NCAM2: variants seen among roughly 807,000 people sequenced by gnomAD.
NCAM2 encodes N-CAM-2.
A neutral mutation model predicts 98.1 loss-of-function variants in NCAM2; 30 were observed. The ratio of observed to expected loss-of-function variants is 0.31; its 90% CI spans 0.23 to 0.41. The LOEUF is 0.41. NCAM2 is among the 10% of genes least tolerant of loss of function. The probability of loss-of-function intolerance (pLI) is 1.00; values close to 1 mark genes in which losing one functional copy is unlikely to be tolerated. For synonymous variants in NCAM2, 368 were observed against 342.4 expected, an observed-to-expected ratio of 1.07 and a Z score of -0.83; for missense variants, 867 against 1,005.8, an observed-to-expected ratio of 0.86 and a Z score of 1.87.
chr21:21,038,097 G>A (rs1309960914), intron 1 of NCAM2, among the ~76,000 whole-genome samples: 1 of 147,278 alleles, frequency 6.8e-6, no homozygotes, highest in East Asian at 2.0e-4. Flanking sequence ...TTTACCTTGA[G>A]TTGCTTCTGT....
chr21:21,358,685 C>A (rs232485), intron 8 of NCAM2, among the ~76,000 whole-genome samples: 1 of 151,660 alleles, frequency 6.6e-6, no homozygotes, highest in Admixed American at 6.6e-5. Context: ...ACTAGTATTA[C>A]GTGGTAGTTT....
At chr21:21,426,930 A>G (rs1277764282) in intron 11 of NCAM2, among the ~76,000 whole-genome samples, 1 of 152,200 alleles carries the variant, frequency 6.6e-6, no homozygotes, top group Non-Finnish European at 1.5e-5. Flanking sequence ...GTTAATAGAA[A>G]AATATCTAGG....
intron 1 of NCAM2, among the ~76,000 whole-genome samples, chr21:21,125,702 C>CAT (rs71322025): frequency 1.6e-3 from 154 of 97,728 alleles, no homozygotes; most frequent in African/African-American, 5.2e-3. Flanking sequence ...TAATATTTTA[C>CAT]ATATATATAT....
At chr21:21,328,856 G>A (rs988567794) in intron 6 of NCAM2, among the ~76,000 whole-genome samples, 7 of 151,908 alleles carry the variant, frequency 4.6e-5, no homozygotes, top group African/African-American at 1.7e-4. Context: ...GGCCTTCACA[G>A]TCACTCACCA....
At chr21:21,287,075 C>A (rs754983414) in intron 4 of NCAM2, among the ~76,000 whole-genome samples, 1 of 151,914 alleles carries the variant, frequency 6.6e-6, no homozygotes, top group Non-Finnish European at 1.5e-5. Flanking sequence ...GCTAAAATTT[C>A]AGAATAATAT....
chr21:21,127,718 TGCTGTGCTTG>T (rs1434863621), intron 1 of NCAM2, among the ~76,000 whole-genome samples: 1 of 152,162 alleles, frequency 6.6e-6, no homozygotes, highest in African/African-American at 2.4e-5. Context: ...ATATTTGTGT[TGCTGTGCTTG>T]GCATATTTCA....
intron 1 of NCAM2, among the ~76,000 whole-genome samples, chr21:21,127,711 T>G (rs543463861): frequency 1.5e-4 from 23 of 152,298 alleles, no homozygotes; most frequent in African/African-American, 5.3e-4. Context: ...TGATGTGATA[T>G]TTGTGTTGCT....
intron 1 of NCAM2, among the ~76,000 whole-genome samples, chr21:21,168,878 A>G (rs959847379): frequency 5.3e-5 from 8 of 152,282 alleles, no homozygotes; most frequent in African/African-American, 1.9e-4. Context: ...GACTTTATCT[A>G]TAGATTCAAC....
At chr21:21,235,630 A>T (rs1048871017) in intron 1 of NCAM2, among the ~76,000 whole-genome samples, 6 of 152,064 alleles carry the variant, frequency 3.9e-5, no homozygotes, top group Non-Finnish European at 8.8e-5. Context: ...TAAAAATTTC[A>T]ATTTGATTTA....
rs535627721 is a variant in NCAM2, at chr21:21,410,528, T to A, written c.1383+67T>A. The A allele has an allele frequency of 3.4e-6, 3 of 874,712 alleles. No homozygotes were observed. In the African/African-American group the frequency reaches 5.3e-5, roughly 15 times the overall value. 54.2% of individuals were successfully genotyped at this position (874,712 alleles called of 1,614,324 possible). ...CAACTATCTACTATTTCAGAATATA[T>A]TTAAATATCTTCATATGCATATATA... is the stretch of plus-strand genomic sequence containing the variant. On this transcript the variant is annotated intron_variant, in intron 10 of 17. Coordinates refer to ENST00000400546, the MANE Select transcript of NCAM2 (RefSeq NM_004540.5).
intron 9 of NCAM2, among the ~76,000 whole-genome samples, chr21:21,385,208 A>T (rs181422116): frequency 6.6e-6 from 1 of 152,208 alleles, no homozygotes; most frequent in Admixed American, 6.6e-5. Context: ...CAACAAATTC[A>T]TAATAGTAAT....
chr21:21,478,078 G>A (rs889773536), intron 15 of NCAM2, among the ~76,000 whole-genome samples: 3 of 152,128 alleles, frequency 2.0e-5, no homozygotes, highest in Non-Finnish European at 2.9e-5. Flanking sequence ...TTACATCTTA[G>A]TATGTTAGTA....
chr21:21,168,969 A>G (rs2068038898), intron 1 of NCAM2, among the ~76,000 whole-genome samples: 1 of 152,118 alleles, frequency 6.6e-6, no homozygotes, highest in African/African-American at 2.4e-5. Flanking sequence ...GAGGCAAAAG[A>G]CCCAGAATGA....
At chr21:21,166,163 A>T (rs2067944305) in intron 1 of NCAM2, among the ~76,000 whole-genome samples, 1 of 152,238 alleles carries the variant, frequency 6.6e-6, no homozygotes, top group African/African-American at 2.4e-5. Flanking sequence ...AGTACATTAT[A>T]ACCTGGAGCG....
chr21:21,330,670 T>G (rs900775747), intron 6 of NCAM2, among the ~76,000 whole-genome samples: 2 of 152,070 alleles, frequency 1.3e-5, no homozygotes. Flanking sequence ...TTTTTAAATG[T>G]GTCTATTTTT....
chr21:21,373,739 C>G (rs926774717), intron 8 of NCAM2, 124 bp from the exon 9 acceptor site: 2 of 848,788 alleles, frequency 2.4e-6, no homozygotes, highest in Non-Finnish European at 3.4e-6. Context: ...CTTTCTACAT[C>G]AGGAACAGTT....
intron 12 of NCAM2, among the ~76,000 whole-genome samples, chr21:21,435,285 A>C (rs1259932807): frequency 6.6e-6 from 1 of 152,188 alleles, no homozygotes; most frequent in African/African-American, 2.4e-5. Context: ...GACATAGTAG[A>C]TCAATCCTCT....
Position 21,398,983 on chromosome 21 carries a change from G to C in NCAM2, c.1196-11291G>C, listed in dbSNP as rs146625093. On this transcript the variant is annotated intron_variant, in intron 9 of 17. Coordinates refer to ENST00000400546, the MANE Select transcript of NCAM2 (RefSeq NM_004540.5). ...CTAAAATCCCAAAGTACCATATTAA[G>C]TCAGTACAAATTTCAGCCTCTTTTT... is the stretch of plus-strand genomic sequence containing the variant. 6.6e-3 allele frequency among the ~76,000 whole-genome samples: 1,011 copies of C among 152,214 alleles called. 8 individuals are homozygous for C. Among genetic ancestry groups the C allele is most frequent in the Non-Finnish European group, 0.011 (765 of 68,012 alleles).
At position 21,165,751 on chromosome 21, in the gene NCAM2, G is replaced by A. The variant is rs755026779; in HGVS notation, c.56-114827G>A. On this transcript the variant is annotated intron_variant, in intron 1 of 17. Transcript: ENST00000400546. ...TTAATCACATTTATATTTAATCACA[G>A]AACAAATCAGTAAAAATTACAGGTG... Among the ~76,000 whole-genome samples, 3 of 152,160 alleles carry A rather than the reference G, an allele frequency of 2.0e-5. No homozygotes were observed. In the South Asian group the frequency reaches 6.2e-4, roughly 32 times the overall value.
Sources: gnomAD v4.1 joint callset for allele counts (sites outside exome capture counted in the v4.1 genomes callset) on GRCh38, gnomAD v4.1.1 for gene constraint, MANE v1.5 for transcripts, NCBI Gene and HGNC (gene_info 2026-07-23, HGNC 2026-07-21) for gene names.